Variants in STXBP5 observed in about 807,000 individuals in gnomAD.
The protein encoded by STXBP5 is syntaxin binding protein 5.
Under a neutral mutation model 152.4 loss-of-function variants are expected in STXBP5, and 50 were observed. That is an observed-to-expected ratio of 0.33 (90% CI 0.26 to 0.42). STXBP5 has a LOEUF of 0.42. STXBP5 is among the 10% of genes least tolerant of loss of function. The pLI is 1.00. For missense variants in STXBP5, 1,167 were observed against 1,388.6 expected (o/e 0.84, Z 2.54); for synonymous variants, 492 against 494.7 (o/e 0.99, Z 0.07).
chr6:147,270,194 C>T (rs191323674), intron 7 of STXBP5, among the ~76,000 whole-genome samples: 34 of 151,920 alleles, frequency 2.2e-4, no homozygotes, highest in African/African-American at 7.5e-4. Flanking sequence ...GTCAGGAGAT[C>T]GAGACCATCC....
At chr6:147,255,895 A>G (rs1262506675) in intron 4 of STXBP5, among the ~76,000 whole-genome samples, 1 of 152,184 alleles carries the variant, frequency 6.6e-6, no homozygotes, top group Non-Finnish European at 1.5e-5. Context: ...TAGTAACATC[A>G]TCTTAAGATA....
At chr6:147,310,787 T>TGAG (rs1562478804) in intron 10 of STXBP5, among the ~76,000 whole-genome samples, 1 of 152,202 alleles carries the variant, frequency 6.6e-6, no homozygotes, top group Non-Finnish European at 1.5e-5. Flanking sequence ...ACTGACTGAA[T>TGAG]GAGGCCCATT....
chr6:147,204,812 A>G lies in STXBP5; in HGVS notation c.150+130A>G. On this transcript the variant is annotated intron_variant, in intron 1 of 27. Coordinates refer to ENST00000321680, the MANE Select transcript of STXBP5 (RefSeq NM_001127715.4). This position sits in a 1 kb window ranked among gnomAD's most constrained non-coding sequence, Gnocchi z 4.3. ...TAATAATAATAATAACTCTAATAAA[A>G]GGCTCGCTCCTCCCTTGGCAAACGT... 2 of 1,060,872 alleles carry G rather than the reference A, an allele frequency of 1.9e-6. No individual in the cohort carries two copies. The highest frequency in any genetic ancestry group is 2.6e-6 in the Non-Finnish European group (2 of 774,010). The allele number at this position is 1,060,872 out of a possible 1,614,324, so 65.7% of individuals were successfully genotyped here.
chr6:147,360,610 AG>A (rs1785021093), intron 23 of STXBP5, among the ~76,000 whole-genome samples: 1 of 152,154 alleles, frequency 6.6e-6, no homozygotes, highest in Non-Finnish European at 1.5e-5. Flanking sequence ...AAAACAGAAA[AG>A]TGCATTTTTA....
rs960526083 is a variant in STXBP5, at chr6:147,366,825, G to A, written c.3081+2659G>A. Among the ~76,000 whole-genome samples, 23 of 152,094 alleles carry A rather than the reference G, an allele frequency of 1.5e-4. 1 individual carries two copies. Among genetic ancestry groups the A allele is most frequent in the African/African-American group, 4.8e-4 (20 of 41,410 alleles). On this transcript the variant is annotated intron_variant, in intron 25 of 27. Coordinates refer to ENST00000321680, the MANE Select transcript of STXBP5 (RefSeq NM_001127715.4). ...CTACTCCAGATATGCCTAACAAATCGCAAAAGCAAGAATCAAAAGGATGAA... is the reference window on the plus strand; with the variant it reads ...CTACTCCAGATATGCCTAACAAATCACAAAAGCAAGAATCAAAAGGATGAA...
At chr6:147,244,523 G>A (rs1041058869) in intron 4 of STXBP5, among the ~76,000 whole-genome samples, 5 of 152,008 alleles carry the variant, frequency 3.3e-5, no homozygotes, top group South Asian at 2.1e-4. Flanking sequence ...ACATTTTTAC[G>A]TCTCCGAAAT....
At chr6:147,281,009 T>C (rs1780673928) in intron 8 of STXBP5, among the ~76,000 whole-genome samples, 1 of 152,174 alleles carries the variant, frequency 6.6e-6, no homozygotes, top group African/African-American at 2.4e-5. Context: ...TAATAGGGTT[T>C]CCAGCTTTCT....
In STXBP5 at chr6:147,250,141, A is replaced by C. The variant is rs561843379; in HGVS notation, c.432-10474A>C. Among the ~76,000 whole-genome samples, 166 of 152,364 alleles carry C rather than the reference A, an allele frequency of 1.1e-3. 2 individuals are homozygous for C. The highest frequency in any genetic ancestry group is 3.8e-3 in the African/African-American group (158 of 41,588). On this transcript the variant is annotated intron_variant, in intron 4 of 27. Coordinates refer to ENST00000321680, the MANE Select transcript of STXBP5 (RefSeq NM_001127715.4). ...CAGGCTGATAAAAGAACTCAGCTGC[A>C]AATAAGTGGTAACTTACATGAAAAA...
At chr6:147,356,503 T>A (rs1784821216) in intron 22 of STXBP5, among the ~76,000 whole-genome samples, 1 of 151,786 alleles carries the variant, frequency 6.6e-6, no homozygotes, top group East Asian at 1.9e-4. Context: ...AGGTGTTGAT[T>A]ATGGAAAGTT....
At chr6:147,281,054 T>A (rs925814995) in intron 8 of STXBP5, among the ~76,000 whole-genome samples, 3 of 152,188 alleles carry the variant, frequency 2.0e-5, no homozygotes, top group Non-Finnish European at 4.4e-5. Flanking sequence ...GACAGGTAAC[T>A]AACCAAAGCT....
chr6:147,274,747 G>T (rs148883552), intron 7 of STXBP5, among the ~76,000 whole-genome samples: 1 of 151,688 alleles, frequency 6.6e-6, no homozygotes, highest in Non-Finnish European at 1.5e-5. Flanking sequence ...TCATTTTTTG[G>T]CATTTTTCTG....
At chr6:147,358,648 CAT>C (rs1407278438) in intron 22 of STXBP5, among the ~76,000 whole-genome samples, 1 of 152,106 alleles carries the variant, frequency 6.6e-6, no homozygotes, top group African/African-American at 2.4e-5. Context: ...TTACCAGTAA[CAT>C]AAACAGTAGA....
At chr6:147,364,675 C>A (rs1379092456) in intron 25 of STXBP5, among the ~76,000 whole-genome samples, 1 of 152,036 alleles carries the variant, frequency 6.6e-6, no homozygotes, top group African/African-American at 2.4e-5. Flanking sequence ...AGAAATGTGT[C>A]CTTTTTTAAG....
At chr6:147,323,418 A>T (rs1213058326) in intron 16 of STXBP5, among the ~76,000 whole-genome samples, 3 of 149,348 alleles carry the variant, frequency 2.0e-5, no homozygotes, top group Non-Finnish European at 4.4e-5. Context: ...GGAGACGGAG[A>T]TCTCACTCTG....
chr6:147,303,805 T>C (rs7742410), intron 9 of STXBP5, among the ~76,000 whole-genome samples: 1 of 152,204 alleles, frequency 6.6e-6, no homozygotes, highest in African/African-American at 2.4e-5. Flanking sequence ...CAGATGGAGC[T>C]GAGGGACTTG....
At chr6:147,210,340 G>T (rs1776783512) in intron 2 of STXBP5, among the ~76,000 whole-genome samples, 1 of 152,146 alleles carries the variant, frequency 6.6e-6, no homozygotes, top group Non-Finnish European at 1.5e-5. Flanking sequence ...TGGGAGAGTA[G>T]CCTAGACTTC....
chr6:147,329,365 G>A lies in STXBP5; in HGVS notation c.2080+2089G>A, dbSNP rs1234795802. On this transcript the variant is annotated intron_variant, in intron 18 of 27. Transcript: ENST00000321680. ...AGATATTTACTCATTGTTATGTCTC[G>A]CTTTGTCAATATTTAGGGTTGTGTT... 4.0e-5 allele frequency among the ~76,000 whole-genome samples: 6 copies of A among 149,292 alleles called. No homozygotes were observed. The East Asian group carries it at 5.9e-4, about 15-fold the overall frequency.
chr6:147,347,840 A>G (rs1784407115), intron 21 of STXBP5, among the ~76,000 whole-genome samples: 1 of 152,196 alleles, frequency 6.6e-6, no homozygotes, highest in Non-Finnish European at 1.5e-5. Flanking sequence ...ATTGTATTTA[A>G]GCATATAGTA....
At chr6:147,325,153 TAGAA>T in intron 17 of STXBP5, 69 bp downstream of exon 17, 1 of 1,310,948 alleles carries the variant, frequency 7.6e-7, no homozygotes, top group Non-Finnish European at 9.9e-7. Flanking sequence ...TTTTTAAAAA[TAGAA>T]AGGATGGTCT....
Sources: allele counts gnomAD v4.1 joint callset (sites outside exome capture counted in the v4.1 genomes callset), GRCh38; gene constraint gnomAD v4.1.1; non-coding constraint Gnocchi (gnomAD v3.1); transcripts MANE v1.5; gene names NCBI Gene and HGNC (gene_info 2026-07-23, HGNC 2026-07-21).